PPP3CC: variants seen among roughly 807,000 people sequenced by gnomAD.
The protein encoded by PPP3CC is protein phosphatase 3 catalytic subunit gamma, also known as serine/threonine-protein phosphatase 2B catalytic subunit gamma isoform.
A neutral mutation model predicts 60.3 loss-of-function variants in PPP3CC; 35 were observed. The observed-to-expected ratio is 0.58, with a 90% CI of 0.44 to 0.77. The LOEUF is 0.77. PPP3CC is among the 30% of genes least tolerant of loss of function. PPP3CC has a pLI of 0.00. For synonymous variants in PPP3CC, 206 were observed against 224.3 expected (o/e 0.92, Z 0.73); for missense variants, 570 against 628.9 (o/e 0.91, Z 1.00).
At chr8:22,493,242 C>G (rs1306020239) in intron 3 of PPP3CC, among the ~76,000 whole-genome samples, 4 of 152,068 alleles carry the variant, frequency 2.6e-5, no homozygotes. Flanking sequence ...TATTTTTAAG[C>G]CCAAGCTCCT....
intron 1 of PPP3CC, among the ~76,000 whole-genome samples, chr8:22,462,745 A>G (rs1837399449): frequency 6.6e-6 from 1 of 151,770 alleles, no homozygotes; most frequent in Non-Finnish European, 1.5e-5. Flanking sequence ...TAATTTTTGT[A>G]TTTTTAGTAG....
chr8:22,466,001 C>T (rs1168335135), intron 1 of PPP3CC, among the ~76,000 whole-genome samples: 2 of 152,090 alleles, frequency 1.3e-5, no homozygotes, highest in Non-Finnish European at 2.9e-5. Flanking sequence ...CCCCATCCTC[C>T]GACCAGCCCC....
intron 4 of PPP3CC, among the ~76,000 whole-genome samples, chr8:22,498,646 A>G (rs1034778554): frequency 2.6e-5 from 4 of 152,112 alleles, no homozygotes; most frequent in African/African-American, 4.8e-5. Flanking sequence ...ATGTAGTAGC[A>G]TTTTTTCCAT....
At chr8:22,455,630 A>C (rs1380747481) in intron 1 of PPP3CC, among the ~76,000 whole-genome samples, 1 of 152,216 alleles carries the variant, frequency 6.6e-6, no homozygotes, top group African/African-American at 2.4e-5. Flanking sequence ...TTTATGGAAA[A>C]CATATGCCAC....
At chr8:22,484,275 A>T (rs185040741) in intron 3 of PPP3CC, among the ~76,000 whole-genome samples, 2 of 152,216 alleles carry the variant, frequency 1.3e-5, no homozygotes, top group Admixed American at 6.5e-5. Context: ...ATCAGAATAA[A>T]TTTTTTTAGG....
intron 3 of PPP3CC, among the ~76,000 whole-genome samples, chr8:22,491,049 C>T (rs1284248239): frequency 6.6e-6 from 1 of 152,160 alleles, no homozygotes; most frequent in Non-Finnish European, 1.5e-5. Context: ...TAGAATTTCA[C>T]AGTATTTATG....
intron 1 of PPP3CC, 21 bp downstream of exon 1, chr8:22,441,479 T>C (rs1836668141): frequency 6.6e-7 from 1 of 1,524,048 alleles, no homozygotes; most frequent in Non-Finnish European, 8.8e-7. Flanking sequence ...GGCCGGGCCT[T>C]CCTCTGGGAC....
chr8:22,525,825 G>A (rs1348612161), intron 8 of PPP3CC, among the ~76,000 whole-genome samples: 2 of 151,516 alleles, frequency 1.3e-5, no homozygotes, highest in African/African-American at 4.9e-5. Context: ...CTCCCAAAGT[G>A]CTGGTATTAC....
chr8:22,536,153 C>G (rs1034347761), intron 12 of PPP3CC, among the ~76,000 whole-genome samples: 12 of 152,236 alleles, frequency 7.9e-5, no homozygotes, highest in Admixed American at 2.6e-4. Context: ...GTTTATTTTC[C>G]TAGTTCCTTT....
At chr8:22,464,476 C>G (rs1244066335) in intron 1 of PPP3CC, among the ~76,000 whole-genome samples, 1 of 152,034 alleles carries the variant, frequency 6.6e-6, no homozygotes, top group Non-Finnish European at 1.5e-5. Context: ...ATCTCCTGGG[C>G]TCAAGTGATT....
At chr8:22,472,669 G>A (rs1046781651) in intron 1 of PPP3CC, among the ~76,000 whole-genome samples, 4 of 152,112 alleles carry the variant, frequency 2.6e-5, no homozygotes, top group Admixed American at 2.6e-4. Context: ...AGCAGTTAAT[G>A]CAGCATGAAC....
Position 22,450,433 on chromosome 8 carries a change from T to G in PPP3CC, c.49+8975T>G, listed in dbSNP as rs28650073. 2.6e-3 allele frequency among the ~76,000 whole-genome samples: 397 copies of G among 152,348 alleles called. 3 individuals are homozygous for G. Among genetic ancestry groups the G allele is most frequent in the African/African-American group, 9.2e-3 (381 of 41,580 alleles). On this transcript the variant is annotated intron_variant, in intron 1 of 13. Coordinates refer to ENST00000240139, the MANE Select transcript of PPP3CC (RefSeq NM_005605.5). ...ACCACTCACCCATTTAGTCACTGATTCAGATGACCAGCCTGGGAATCAGGC... is the reference window on the plus strand; with the variant it reads ...ACCACTCACCCATTTAGTCACTGATGCAGATGACCAGCCTGGGAATCAGGC...
chr8:22,474,189 C>G (rs1233799507), intron 1 of PPP3CC, among the ~76,000 whole-genome samples: 1 of 152,094 alleles, frequency 6.6e-6, no homozygotes, highest in Non-Finnish European at 1.5e-5. Flanking sequence ...GCCATGGTGC[C>G]CGGCCGAGAC....
chr8:22,539,421 CTT>C, intron 12 of PPP3CC, 46 bp from the exon 13 acceptor site: 1 of 1,610,084 alleles, frequency 6.2e-7, no homozygotes, highest in Non-Finnish European at 8.5e-7. Flanking sequence ...TTTACTCACT[CTT>C]TTTCTGTCTT....
Position 22,511,132 on chromosome 8 carries a change from A to T in PPP3CC, c.531A>T (p.Thr177=). Residue 177 remains threonine (T), a synonymous_variant, in exon 5 of 14, where the codon ACA becomes ACT. Transcript: ENST00000240139. The part of the protein sequence containing the change: ...SEQVYDACME[T]FDCLPLAALL... ...AGGTGTATGATGCCTGTATGGAGAC[A>T]TTTGACTGTCTTCCTCTTGCTGCCC... 6.2e-7 allele frequency: 1 copy of T among 1,614,124 alleles called. No individual in the cohort carries two copies. The highest frequency in any genetic ancestry group is 8.5e-7 in the Non-Finnish European group (1 of 1,179,960).
At chr8:22,476,432 C>A (rs1367524354) in intron 3 of PPP3CC, among the ~76,000 whole-genome samples, 1 of 152,182 alleles carries the variant, frequency 6.6e-6, no homozygotes, top group African/African-American at 2.4e-5. Flanking sequence ...TGCCTGCCCT[C>A]ATTGTGTGAG....
At chr8:22,473,078 T>C (rs1211514127) in intron 1 of PPP3CC, among the ~76,000 whole-genome samples, 1 of 152,192 alleles carries the variant, frequency 6.6e-6, no homozygotes, top group Non-Finnish European at 1.5e-5. Flanking sequence ...AAGTAGTAGC[T>C]GAAAGCATGA....
intron 6 of PPP3CC, among the ~76,000 whole-genome samples, chr8:22,518,474 A>C (rs1285163325): frequency 6.6e-6 from 1 of 152,134 alleles, no homozygotes; most frequent in Non-Finnish European, 1.5e-5. Context: ...ACATCTTCTT[A>C]AGTTTGTTGA....
rs149940749 is a variant in PPP3CC at position 22,495,551 on chromosome 8, A to G, written c.373-2450A>G. On this transcript the variant is annotated intron_variant, in intron 3 of 13. Coordinates refer to ENST00000240139, the MANE Select transcript of PPP3CC (RefSeq NM_005605.5). ...ATTGTTTTTTTACTATGCAAATTAT[A>G]TTATTATTATTATTATTATTGTTAT... Among the ~76,000 whole-genome samples the G allele has an allele frequency of 7.5e-3, 1,126 of 150,650 alleles. 8 individuals carry two copies. Among genetic ancestry groups the G allele is most frequent in the African/African-American group, 0.026 (1,048 of 40,764 alleles).
Sources: allele counts gnomAD v4.1 joint callset (sites outside exome capture counted in the v4.1 genomes callset), GRCh38; gene constraint gnomAD v4.1.1; transcripts MANE v1.5; gene names NCBI Gene and HGNC (gene_info 2026-07-23, HGNC 2026-07-21).